The following GRID2 variants were observed in gnomAD, a reference collection of about 807,000 sequenced individuals.
GRID2 encodes the protein glutamate ionotropic receptor delta type subunit 2, also known as glutamate receptor ionotropic, delta-2.
In GRID2, 33 loss-of-function variants were observed where a neutral mutation model predicts 114.8. That is an observed-to-expected ratio of 0.29 (90% CI 0.22 to 0.38). The LOEUF (loss-of-function observed/expected upper bound fraction) is 0.38. GRID2 is among the 10% of genes least tolerant of loss of function. The pLI is 1.00. For missense variants in GRID2, 1,184 were observed against 1,257.7 expected (o/e 0.94, Z 0.89); for synonymous variants, 505 against 449.9 (o/e 1.12, Z -1.55).
At chr4:92,449,705 A>C (rs1579385297) in intron 1 of GRID2, among the ~76,000 whole-genome samples, 1 of 141,660 alleles carries the variant, frequency 7.1e-6, no homozygotes, top group South Asian at 2.2e-4. Context: ...ATATATATAT[A>C]TATATAACAC....
At chr4:92,687,670 A>T (rs897603700) in intron 2 of GRID2, among the ~76,000 whole-genome samples, 2 of 152,070 alleles carry the variant, frequency 1.3e-5, no homozygotes, top group Admixed American at 6.5e-5. Context: ...TCTACTAAAA[A>T]TACAAAAAAT....
intron 1 of GRID2, among the ~76,000 whole-genome samples, chr4:93,787,813 A>C (rs1401329810): frequency 6.6e-6 from 1 of 152,212 alleles, no homozygotes; most frequent in African/African-American, 2.4e-5. Context: ...GTGGAAATAC[A>C]TTCATGTATT....
At chr4:93,389,932 G>C (rs1406942737) in intron 8 of GRID2, among the ~76,000 whole-genome samples, 3 of 152,120 alleles carry the variant, frequency 2.0e-5, no homozygotes, top group African/African-American at 7.2e-5. Flanking sequence ...GGGATTACAG[G>C]CATGTGCCAC....
At chr4:93,178,152 C>G (rs1307123320) in intron 4 of GRID2, among the ~76,000 whole-genome samples, 1 of 150,668 alleles carries the variant, frequency 6.6e-6, no homozygotes, top group African/African-American at 2.4e-5. Context: ...ATTATAGATT[C>G]TCCCTTACTA....
intron 13 of GRID2, among the ~76,000 whole-genome samples, chr4:93,614,308 G>C (rs1578400909): frequency 6.6e-6 from 1 of 152,072 alleles, no homozygotes; most frequent in South Asian, 2.1e-4. Context: ...GACCGGAGCT[G>C]TTCCTATTCG....
intron 2 of GRID2, among the ~76,000 whole-genome samples, chr4:92,792,829 G>A (rs190255845): frequency 1.9e-4 from 29 of 150,676 alleles, no homozygotes; most frequent in Admixed American, 1.1e-3. Context: ...GCCAGTCTAC[G>A]ATCTGTAAAG....
chr4:92,387,378 T>C (rs1050460860), intron 1 of GRID2, among the ~76,000 whole-genome samples: 4 of 152,012 alleles, frequency 2.6e-5, no homozygotes, highest in African/African-American at 9.7e-5. Flanking sequence ...ACAGCATCTA[T>C]GCATAAAATA....
At chr4:93,183,752 T>C (rs377673432) in intron 4 of GRID2, among the ~76,000 whole-genome samples, 4 of 152,312 alleles carry the variant, frequency 2.6e-5, no homozygotes, top group Admixed American at 1.3e-4. Flanking sequence ...AAATAAACTA[T>C]ATCAGTAAAT....
At chr4:92,502,804 G>A (rs891861377) in intron 1 of GRID2, among the ~76,000 whole-genome samples, 5 of 129,134 alleles carry the variant, frequency 3.9e-5, no homozygotes, top group Non-Finnish European at 7.8e-5. Flanking sequence ...TGCAACCTCC[G>A]CCTCCTGGGT....
At chr4:93,677,601 G>C (rs1303993020) in intron 14 of GRID2, among the ~76,000 whole-genome samples, 2 of 152,122 alleles carry the variant, frequency 1.3e-5, no homozygotes, top group African/African-American at 4.8e-5. Context: ...GGAACCATCA[G>C]ACAGCAGCAT....
chr4:93,100,310 C>T (rs904056281), intron 3 of GRID2, among the ~76,000 whole-genome samples: 3 of 151,506 alleles, frequency 2.0e-5, no homozygotes, highest in African/African-American at 4.8e-5. Context: ...GTTGCCAGAT[C>T]GTGTCACCTC....
chr4:92,762,449 A>T (rs1269629208), intron 2 of GRID2, among the ~76,000 whole-genome samples: 2 of 28,428 alleles, frequency 7.0e-5, no homozygotes, highest in Admixed American at 4.0e-4. Context: ...TGCTAAAATT[A>T]AAAAAAAAAA....
chr4:93,139,716 C>T (rs561618711), intron 4 of GRID2, among the ~76,000 whole-genome samples: 3 of 149,952 alleles, frequency 2.0e-5, no homozygotes, highest in Non-Finnish European at 4.4e-5. Flanking sequence ...TTCACTGAGG[C>T]CCTAGACTGT....
At chr4:92,888,366 T>A (rs1177826921) in intron 2 of GRID2, among the ~76,000 whole-genome samples, 1 of 152,156 alleles carries the variant, frequency 6.6e-6, no homozygotes, top group Non-Finnish European at 1.5e-5. Flanking sequence ...ATATAATTAT[T>A]TGGCTATTCT....
At position 92,461,696 on chromosome 4, in the gene GRID2, TTTG is replaced by T. The variant is rs377645197; in HGVS notation, c.89-128420_89-128418del. Among the ~76,000 whole-genome samples, 1,467 of 152,016 alleles carry T rather than the reference TTTG, an allele frequency of 9.7e-3. 24 individuals are homozygous for T. Among genetic ancestry groups the T allele is most frequent in the Middle Eastern group, 0.027 (8 of 294 alleles). On this transcript the variant is annotated intron_variant, in intron 1 of 15. Coordinates refer to ENST00000282020, the MANE Select transcript of GRID2 (RefSeq NM_001510.4). Reference sequence around the variant, plus strand: ...CTTAAATCATCGTGGATTACAGGGTTTTGTTGTTGTTGTTGTTTAAATCTGGCA... The same window carrying T: ...CTTAAATCATCGTGGATTACAGGGTTTTGTTGTTGTTGTTTAAATCTGGCA...
chr4:93,053,203 G>A (rs555957821), intron 2 of GRID2, among the ~76,000 whole-genome samples: 6 of 151,906 alleles, frequency 3.9e-5, no homozygotes, highest in Admixed American at 3.3e-4. Context: ...GAGATTTGTC[G>A]AAACTATTAA....
At chr4:92,638,376 G>C (rs1731177781) in intron 2 of GRID2, among the ~76,000 whole-genome samples, 1 of 150,154 alleles carries the variant, frequency 6.7e-6, no homozygotes. Flanking sequence ...CAGCACCTCA[G>C]TTCCCTCTTG....
In GRID2 at chr4:93,772,071, T is replaced by G; in HGVS notation, c.2602-5T>G. The stretch of plus-strand genomic sequence containing the variant: ...GAACCTTATTTTCTTTTTCTTCATC[T>G]CCAGGATGACAAGGAAATTGACCTG... On this transcript the variant is annotated splice_polypyrimidine_tract_variant and splice_region_variant and intron_variant, in intron 15 of 15. Transcript: ENST00000282020. 1 of 1,585,958 alleles carries G rather than the reference T, an allele frequency of 6.3e-7. No homozygotes were observed. The highest frequency in any genetic ancestry group is 8.7e-7 in the Non-Finnish European group (1 of 1,155,514).
intron 2 of GRID2, among the ~76,000 whole-genome samples, chr4:92,654,927 T>C (rs1732153424): frequency 6.6e-6 from 1 of 152,056 alleles, no homozygotes; most frequent in African/African-American, 2.4e-5. Context: ...AAATTTTGCC[T>C]GTGCTTTTGA....
Sources: allele counts gnomAD v4.1 joint callset (sites outside exome capture counted in the v4.1 genomes callset), GRCh38; gene constraint gnomAD v4.1.1; transcripts MANE v1.5; gene names NCBI Gene and HGNC (gene_info 2026-07-23, HGNC 2026-07-21).